Variants in RBL1 observed in about 807,000 individuals in gnomAD.
RBL1 encodes RB transcriptional corepressor like 1.
A neutral mutation model predicts 123.0 loss-of-function variants in RBL1; 82 were observed. That is an observed-to-expected ratio of 0.67 (90% CI 0.56 to 0.80). The LOEUF (loss-of-function observed/expected upper bound fraction) is 0.80. RBL1 is among the 30% of genes least tolerant of loss of function. The pLI is 0.00. For synonymous variants in RBL1, 405 were observed against 441.3 expected (o/e 0.92, Z 1.03); for missense variants, 1,171 against 1,299.6 (o/e 0.90, Z 1.52).
chr20:37,013,521 C>T (rs576521544), intron 19 of RBL1, among the ~76,000 whole-genome samples: 2 of 151,448 alleles, frequency 1.3e-5, no homozygotes, highest in Admixed American at 6.6e-5. Context: ...GCTGACCTTC[C>T]CTCCACTATT....
At chr20:37,056,279 C>T in intron 9 of RBL1, 21 bp from the exon 10 acceptor site, 4 of 1,557,014 alleles carry the variant, frequency 2.6e-6, no homozygotes, top group Non-Finnish European at 3.5e-6. Context: ...CAAGAGGAAC[C>T]AATTACCAAA....
intron 12 of RBL1, among the ~76,000 whole-genome samples, chr20:37,046,677 C>T (rs998096978): frequency 5.3e-5 from 8 of 151,142 alleles, no homozygotes; most frequent in African/African-American, 7.3e-5. Flanking sequence ...GTATGATCTC[C>T]GCTCACTGCA....
chr20:37,054,157 T>G (rs2064966221), intron 11 of RBL1, among the ~76,000 whole-genome samples: 1 of 152,158 alleles, frequency 6.6e-6, no homozygotes, highest in Admixed American at 6.5e-5. Context: ...TCTGTACTAC[T>G]TTTGCAACTT....
intron 21 of RBL1, 75 bp from the exon 22 acceptor site, chr20:36,999,004 T>C: frequency 7.1e-7 from 1 of 1,417,582 alleles, no homozygotes; most frequent in South Asian, 1.3e-5. Flanking sequence ...AGCTAATTGT[T>C]TTTTCCTGTG....
intron 12 of RBL1, among the ~76,000 whole-genome samples, chr20:37,045,732 T>C (rs1293580993): frequency 6.6e-6 from 1 of 152,236 alleles, no homozygotes; most frequent in Non-Finnish European, 1.5e-5. Flanking sequence ...GAGTGTATAG[T>C]AGAATCACTT....
At position 37,095,867 on chromosome 20, in the gene RBL1, A is replaced by T. The variant is rs1568903260; in HGVS notation, c.62T>A (p.Leu21Gln). The T allele has an allele frequency of 6.2e-7, 1 of 1,606,840 alleles. No homozygotes were observed. Among genetic ancestry groups the T allele is most frequent in the Non-Finnish European group, 8.5e-7 (1 of 1,177,520 alleles). Residue 21 changes from leucine to glutamine, a missense_variant, in exon 1 of 22, where the codon CTA becomes CAA. By Grantham distance (113) the Leu-to-Gln change is moderately radical. Coordinates refer to ENST00000373664, the MANE Select transcript of RBL1 (RefSeq NM_002895.5). ...AAVVAAAGEA[L>Q]QALCQELNLD... is the part of the protein sequence containing the mutation. ...GTTCAGCTCCTGGCACAGGGCCTGT[A>T]GCGCCTCCCCGGCTGCGGCGACCAC...
At position 37,067,872 on chromosome 20, in the gene RBL1, ATAAT is replaced by A. The variant is rs1600570724; in HGVS notation, c.491+110_491+113del. ...AATTGTACATGGATTTAAAAAGAAA[ATAAT>A]TAAGTTCTTTGCAGGAATACTTTTC... is the stretch of plus-strand genomic sequence containing the variant. On this transcript the variant is annotated intron_variant, in intron 3 of 21. Coordinates refer to ENST00000373664, the MANE Select transcript of RBL1 (RefSeq NM_002895.5). 1.2e-5 allele frequency: 15 copies of A among 1,232,092 alleles called. No homozygotes were observed. In the East Asian group the frequency reaches 2.7e-4, roughly 23 times the overall value. The allele number at this position is 1,232,092 out of a possible 1,614,324, so 76.3% of individuals were successfully genotyped here.
intron 11 of RBL1, among the ~76,000 whole-genome samples, chr20:37,053,896 T>C (rs1190463083): frequency 1.3e-5 from 2 of 152,086 alleles, no homozygotes; most frequent in Non-Finnish European, 2.9e-5. Flanking sequence ...ACAGAGTATG[T>C]AGAAGTGGAA....
intron 11 of RBL1, among the ~76,000 whole-genome samples, chr20:37,054,871 T>C (rs2064978298): frequency 6.6e-6 from 1 of 151,838 alleles, no homozygotes; most frequent in Non-Finnish European, 1.5e-5. Context: ...GCCATGGAAG[T>C]GTATGCACCA....
At chr20:37,015,773 T>A (rs1053402994) in intron 19 of RBL1, among the ~76,000 whole-genome samples, 1 of 151,864 alleles carries the variant, frequency 6.6e-6, no homozygotes, top group Non-Finnish European at 1.5e-5. Flanking sequence ...TCGCCCAGAC[T>A]GGAGTGCAGT....
intron 2 of RBL1, among the ~76,000 whole-genome samples, chr20:37,085,153 T>C (rs1417581762): frequency 2.0e-5 from 3 of 148,812 alleles, no homozygotes; most frequent in Non-Finnish European, 4.5e-5. Flanking sequence ...TTTTTTGAGA[T>C]GGAGTTTCAC....
chr20:37,054,954 A>AC (rs1397482558), intron 11 of RBL1, among the ~76,000 whole-genome samples: 1 of 152,190 alleles, frequency 6.6e-6, no homozygotes, highest in Non-Finnish European at 1.5e-5. Flanking sequence ...GACATGAAAA[A>AC]AATTTCCAGG....
At position 37,057,822 on chromosome 20, in the gene RBL1, T is replaced by C. The variant is rs185513335; in HGVS notation, c.1251-1564A>G. Reference sequence around the variant, plus strand: ...TGGCCAACATGGTGAAACATGTCTCTACTAAAAATACAAAAATTGGCCAGG... The same window carrying C: ...TGGCCAACATGGTGAAACATGTCTCCACTAAAAATACAAAAATTGGCCAGG... On this transcript the variant is annotated intron_variant, in intron 9 of 21. Coordinates refer to ENST00000373664, the MANE Select transcript of RBL1 (RefSeq NM_002895.5). 1.8e-4 allele frequency among the ~76,000 whole-genome samples: 28 copies of C among 152,046 alleles called. 1 individual carries two copies. Among genetic ancestry groups the C allele is most frequent in the Admixed American group, 1.6e-3 (25 of 15,254 alleles).
rs367759218 is a variant in RBL1, at chr20:37,001,041, C to T, written c.3037-2112G>A. 3.2e-3 allele frequency among the ~76,000 whole-genome samples: 442 copies of T among 139,884 alleles called. 4 individuals carry two copies. The highest frequency in any genetic ancestry group is 0.011 in the African/African-American group (421 of 37,662). The allele number at this position is 139,884 out of a possible 152,430, so 91.8% of individuals were successfully genotyped here. A position where few individuals can be genotyped will look rare whatever the true frequency, so the allele number is the denominator to read the frequency against. ...AGGGAGGTGGGGGGGGTCAGCCCCCCACCCGGCCAGCCGCCCCATCCGGGA... is the reference window on the plus strand; with the variant it reads ...AGGGAGGTGGGGGGGGTCAGCCCCCTACCCGGCCAGCCGCCCCATCCGGGA... On this transcript the variant is annotated intron_variant, in intron 21 of 21. Coordinates refer to ENST00000373664, the MANE Select transcript of RBL1 (RefSeq NM_002895.5).
chr20:36,999,149 G>A (rs185921249), intron 21 of RBL1, among the ~76,000 whole-genome samples: 29 of 152,294 alleles, frequency 1.9e-4, no homozygotes, highest in Non-Finnish European at 2.9e-4. Context: ...GTGGTGGCCT[G>A]TAATACCAGC....
intron 2 of RBL1, among the ~76,000 whole-genome samples, chr20:37,073,231 T>C (rs2065309123): frequency 6.6e-6 from 1 of 152,180 alleles, no homozygotes; most frequent in Non-Finnish European, 1.5e-5. Context: ...CCATTGTACA[T>C]ACTACTCTCC....
chr20:37,057,386 ATGAGTGGGAAG>A (rs1327333601), intron 9 of RBL1, among the ~76,000 whole-genome samples: 1 of 152,116 alleles, frequency 6.6e-6, no homozygotes, highest in Non-Finnish European at 1.5e-5. Flanking sequence ...TTTTGGGGTG[ATGAGTGGGAAG>A]TGGCTATGCT....
chr20:37,086,794 ATC>A (rs1157800541), intron 2 of RBL1, among the ~76,000 whole-genome samples: 4 of 152,232 alleles, frequency 2.6e-5, no homozygotes, highest in Admixed American at 6.5e-5. Flanking sequence ...TAAAAGATGT[ATC>A]TGAGACCCAT....
intron 2 of RBL1, among the ~76,000 whole-genome samples, chr20:37,084,292 C>T (rs574352897): frequency 3.3e-5 from 5 of 151,632 alleles, no homozygotes; most frequent in African/African-American, 4.8e-5. Context: ...TTTATTTGTC[C>T]GCAACTACAA....
Sources: allele counts gnomAD v4.1 joint callset (sites outside exome capture counted in the v4.1 genomes callset), GRCh38; gene constraint gnomAD v4.1.1; transcripts MANE v1.5; gene names NCBI Gene and HGNC (gene_info 2026-07-23, HGNC 2026-07-21).